The following SORBS2 variants were observed in gnomAD, a reference collection of about 807,000 sequenced individuals.
The protein encoded by SORBS2 is sorbin and SH3 domain-containing protein 2.
SORBS2 carries 46 observed loss-of-function variants against 97.7 expected under a neutral mutation model. The observed-to-expected ratio is 0.47, with a 90% CI of 0.37 to 0.60. The LOEUF (loss-of-function observed/expected upper bound fraction) is 0.60. Ranked by LOEUF, SORBS2 falls within the 20% of genes least tolerant of loss-of-function variation. The pLI, the probability that SORBS2 is intolerant of heterozygous loss-of-function variation, is 0.00. For missense variants in SORBS2, 1,316 were observed against 1,282.3 expected (o/e 1.03, Z -0.40); for synonymous variants, 476 against 473.4 (o/e 1.01, Z -0.07).
intron 4 of SORBS2, 44 bp from the exon 17 acceptor site, chr4:185,630,642 C>T: frequency 4.0e-6 from 5 of 1,240,524 alleles, no homozygotes; most frequent in Non-Finnish European, 5.8e-6. Flanking sequence ...TTTACCGTGG[C>T]AAAATTTTGT....
chr4:185,804,289 A>G (rs1233404185), intron 1 of SORBS2, among the ~76,000 whole-genome samples: 1 of 152,208 alleles, frequency 6.6e-6, no homozygotes, highest in Non-Finnish European at 1.5e-5. Context: ...ATTTGTTACA[A>G]TAACCGACTT....
intron 1 of SORBS2, among the ~76,000 whole-genome samples, chr4:185,836,366 G>C (rs1450177097): frequency 2.0e-5 from 3 of 152,194 alleles, no homozygotes; most frequent in African/African-American, 7.2e-5. Flanking sequence ...CATCAGAGTA[G>C]ACAGATAAAA....
intron 1 of SORBS2, chr4:185,918,443 A>G (rs1254011774): frequency 1.3e-5 from 2 of 152,192 alleles, no homozygotes; most frequent in Non-Finnish European, 2.9e-5. Flanking sequence ...GTCACTCTCC[A>G]TCTTTTCCGC....
At chr4:185,847,662 G>A (rs1379206670) in intron 1 of SORBS2, among the ~76,000 whole-genome samples, 2 of 152,112 alleles carry the variant, frequency 1.3e-5, no homozygotes, top group African/African-American at 2.4e-5. Context: ...CGGCAGCAAC[G>A]ATTATAGCAA....
At chr4:185,779,442 T>G (rs1393215840) in intron 1 of SORBS2, among the ~76,000 whole-genome samples, 1 of 152,236 alleles carries the variant, frequency 6.6e-6, no homozygotes, top group Admixed American at 6.5e-5. Context: ...CTGTGCAGAT[T>G]TCCATATGTG....
At chr4:185,650,762 G>A (rs137939019) in intron 2 of SORBS2, among the ~76,000 whole-genome samples, 75 of 152,206 alleles carry the variant, frequency 4.9e-4, no homozygotes, top group Middle Eastern at 3.4e-3. Context: ...TAAAGGAGGT[G>A]AGTTTGGTGG....
At chr4:185,838,144 A>AT (rs2099209244) in intron 1 of SORBS2, among the ~76,000 whole-genome samples, 1 of 152,248 alleles carries the variant, frequency 6.6e-6, no homozygotes. Context: ...AGTCCCTTGC[A>AT]TCTCCCCAGC....
chr4:185,907,236 T>C (rs1579421281), intron 1 of SORBS2, among the ~76,000 whole-genome samples: 1 of 152,112 alleles, frequency 6.6e-6, no homozygotes, highest in African/African-American at 2.4e-5. Flanking sequence ...AACCATGGAA[T>C]AGAGGATGTT....
chr4:185,626,743 A>G lies in SORBS2; in HGVS notation c.634+89T>C, dbSNP rs190403947. The stretch of plus-strand genomic sequence containing the variant: ...AGACACTGTAGGTGAGAGCTGGCAC[A>G]TGCCACTATCACTGGGCCAGCTTTC... On this transcript the variant is annotated intron_variant, in intron 6 of 14. Transcript: ENST00000418609. The G allele has an allele frequency of 9.9e-6, 12 of 1,210,802 alleles. No homozygotes were observed. The South Asian group carries it at 1.3e-4, about 13-fold the overall frequency. The allele number at this position is 1,210,802 out of a possible 1,614,324, so 75.0% of individuals were successfully genotyped here.
chr4:185,842,505 T>A (rs1381796756), intron 1 of SORBS2, among the ~76,000 whole-genome samples: 1 of 152,104 alleles, frequency 6.6e-6, no homozygotes, highest in African/African-American at 2.4e-5. Context: ...GGACACCCCA[T>A]GAAAGTTATA....
intron 2 of SORBS2, among the ~76,000 whole-genome samples, chr4:185,760,416 A>G (rs186024281): frequency 1.3e-5 from 2 of 152,212 alleles, no homozygotes; most frequent in African/African-American, 4.8e-5. Context: ...ACAAAAAATT[A>G]GCTGAGTGTG....
chr4:185,801,664 TCATCTC>T (rs386683421), intron 1 of SORBS2, among the ~76,000 whole-genome samples: 7 of 131,280 alleles, frequency 5.3e-5, no homozygotes, highest in Admixed American at 7.6e-5. Context: ...TTTAACTGAA[TCATCTC>T]TCTCTCTCTC....
chr4:185,862,843 T>C (rs2099224646), intron 1 of SORBS2, among the ~76,000 whole-genome samples: 1 of 152,176 alleles, frequency 6.6e-6, no homozygotes. Context: ...CAAATACACC[T>C]GACACCTCTG....
intron 1 of SORBS2, among the ~76,000 whole-genome samples, chr4:185,867,462 C>T (rs772311867): frequency 8.5e-5 from 13 of 152,320 alleles, no homozygotes; most frequent in East Asian, 5.8e-4. Context: ...CCAGGGTGGA[C>T]GGACTTCCTG....
chr4:185,858,347 G>A (rs1465740538), intron 1 of SORBS2, among the ~76,000 whole-genome samples: 1 of 152,158 alleles, frequency 6.6e-6, no homozygotes, highest in Non-Finnish European at 1.5e-5. Flanking sequence ...CCAGCCCCCA[G>A]AACTGTGAGC....
At position 185,874,199 on chromosome 4, in the gene SORBS2, G is replaced by C. The variant is rs571531152; in HGVS notation, c.-338+81997C>G. ...CTGAGGCGCTGGAACATAGTGTTGT[G>C]CCAAAAATAATGCTGTTGAAAAATA... is the stretch of plus-strand genomic sequence containing the variant. On this transcript the variant is annotated intron_variant, in intron 1 of 20. Coordinates refer to the SORBS2 transcript ENST00000284776. 2.0e-3 allele frequency among the ~76,000 whole-genome samples: 309 copies of C among 152,286 alleles called. 3 individuals carry two copies. Among genetic ancestry groups the C allele is most frequent in the African/African-American group, 7.0e-3 (292 of 41,554 alleles).
upstream of SORBS2, among the ~76,000 whole-genome samples, chr4:185,660,806 T>C (rs1172674263): frequency 6.6e-6 from 1 of 152,186 alleles, no homozygotes; most frequent in Non-Finnish European, 1.5e-5. Context: ...TCTCCTTTTC[T>C]GGGAGGTGCA....
intron 1 of SORBS2, among the ~76,000 whole-genome samples, chr4:185,860,509 T>A (rs1325997315): frequency 1.3e-5 from 2 of 152,192 alleles, no homozygotes; most frequent in Admixed American, 6.5e-5. Context: ...AAGAATGTTC[T>A]TGGTGTTGGT....
Position 185,859,355 on chromosome 4 carries a change from G to C in SORBS2, c.-337-83989C>G, listed in dbSNP as rs141355070. ...CAGAGCATACCTTATCCTCCCAGCT[G>C]CTCCTCCACGCTGTGCCTGCCTCTC... On this transcript the variant is annotated intron_variant, in intron 1 of 20. Coordinates refer to the SORBS2 transcript ENST00000284776. Among the ~76,000 whole-genome samples, 754 of 152,248 alleles carry C rather than the reference G, an allele frequency of 5.0e-3. 7 individuals are homozygous for C. Among genetic ancestry groups the C allele is most frequent in the African/African-American group, 0.017 (715 of 41,546 alleles).
Sources: allele counts gnomAD v4.1 joint callset (sites outside exome capture counted in the v4.1 genomes callset), GRCh38; gene constraint gnomAD v4.1.1; transcripts MANE v1.5; gene names NCBI Gene and HGNC (gene_info 2026-07-23, HGNC 2026-07-21).